Variants in IQCJ observed in about 807,000 individuals in gnomAD.
IQCJ encodes the protein IQ motif containing J.
IQCJ carries 9 observed loss-of-function variants against 11.0 expected under a neutral mutation model. The ratio of observed to expected loss-of-function variants is 0.82; its 90% confidence interval spans 0.49 to 1.43. IQCJ has a LOEUF of 1.43. Among genes scored for constraint, IQCJ ranks in the 40% most tolerant of loss-of-function variants. The pLI is 0.00. For missense variants in IQCJ, 146 were observed against 133.2 expected, an observed-to-expected ratio of 1.10 and a Z score of -0.47; for synonymous variants, 55 against 51.3, an observed-to-expected ratio of 1.07 and a Z score of -0.31.
rs1356623945 is a variant in IQCJ, at chr3:159,238,869, G to T, written c.10-6974G>T. 2.6e-5 allele frequency among the ~76,000 whole-genome samples: 4 copies of T among 152,156 alleles called. No individual in the cohort carries two copies. The South Asian group carries it at 8.3e-4, about 32-fold the overall frequency. ...GTGCAGGGGCCAATGAGGTGGAGTG[G>T]GGAGAGGCAGGCTGGGCTTTGTCAC... On this transcript the variant is annotated intron_variant, in intron 1 of 3. Coordinates refer to ENST00000397832, the MANE Select transcript of IQCJ (RefSeq NM_001042706.3).
chr3:159,175,984 T>A (rs1722773902), intron 1 of IQCJ, among the ~76,000 whole-genome samples: 1 of 152,206 alleles, frequency 6.6e-6, no homozygotes, highest in Non-Finnish European at 1.5e-5. Flanking sequence ...AATTGGTCAG[T>A]CTTCTTAATT....
chr3:159,091,426 A>C (rs1378992065), intron 1 of IQCJ, among the ~76,000 whole-genome samples: 2 of 151,586 alleles, frequency 1.3e-5, no homozygotes, highest in Non-Finnish European at 2.9e-5. Context: ...AGTTATAGAG[A>C]GCTCTTTGGG....
intron 1 of IQCJ, among the ~76,000 whole-genome samples, chr3:159,086,355 C>T (rs1329076345): frequency 2.0e-5 from 3 of 152,118 alleles, no homozygotes; most frequent in East Asian, 3.8e-4. Context: ...TAGTGTGATG[C>T]CTCCAGCTTT....
At chr3:159,139,507 C>T (rs1033739450) in intron 1 of IQCJ, among the ~76,000 whole-genome samples, 1 of 152,142 alleles carries the variant, frequency 6.6e-6, no homozygotes, top group African/African-American at 2.4e-5. Flanking sequence ...TCATGAGGTC[C>T]GGCTCACTGC....
At chr3:159,202,829 A>G (rs1240744911) in intron 1 of IQCJ, among the ~76,000 whole-genome samples, 1 of 152,042 alleles carries the variant, frequency 6.6e-6, no homozygotes, top group Admixed American at 6.6e-5. Context: ...TAAATACCAA[A>G]TCACTACTCT....
intron 1 of IQCJ, among the ~76,000 whole-genome samples, chr3:159,082,258 A>C (rs1461810991): frequency 3.3e-5 from 5 of 152,142 alleles, no homozygotes; most frequent in African/African-American, 4.8e-5. Context: ...AACATCAATA[A>C]CAAATGTATT....
At chr3:159,218,847 G>C (rs1256824242) in intron 1 of IQCJ, among the ~76,000 whole-genome samples, 1 of 152,028 alleles carries the variant, frequency 6.6e-6, no homozygotes, top group Non-Finnish European at 1.5e-5. Context: ...GGGTTTTGAT[G>C]AGTTAACATC....
chr3:159,158,271 A>G (rs1038227649), intron 1 of IQCJ, among the ~76,000 whole-genome samples: 3 of 152,188 alleles, frequency 2.0e-5, no homozygotes, highest in African/African-American at 7.2e-5. Context: ...TATCTTACAG[A>G]GCCATTGTAT....
chr3:159,088,169 C>G (rs534413513), intron 1 of IQCJ, among the ~76,000 whole-genome samples: 352 of 152,132 alleles, frequency 2.3e-3, no homozygotes, highest in Middle Eastern at 6.8e-3. Flanking sequence ...CCTTCATTTC[C>G]TTATGTACCC....
chr3:159,073,184 C>T (rs868152881), intron 1 of IQCJ, among the ~76,000 whole-genome samples: 1 of 152,096 alleles, frequency 6.6e-6, no homozygotes, highest in African/African-American at 2.4e-5. Flanking sequence ...CCCTGCTATG[C>T]TCAATCACTG....
intron 1 of IQCJ, among the ~76,000 whole-genome samples, chr3:159,111,235 T>C (rs139757527): frequency 3.6e-4 from 55 of 152,354 alleles, no homozygotes; most frequent in African/African-American, 1.0e-3. Context: ...AAAACATTTG[T>C]TGTAGACAAA....
chr3:159,215,333 C>A (rs191616081), intron 1 of IQCJ, among the ~76,000 whole-genome samples: 11 of 152,230 alleles, frequency 7.2e-5, no homozygotes, highest in Admixed American at 3.3e-4. Context: ...GGGAGGACAC[C>A]TTTACCATGA....
rs981355202 is a variant in IQCJ, at chr3:159,085,265, G to T, written c.9+15824G>T. Among the ~76,000 whole-genome samples, 18 of 151,116 alleles carry T rather than the reference G, an allele frequency of 1.2e-4. 1 individual carries two copies. The highest frequency in any genetic ancestry group is 3.2e-3 in the Middle Eastern group (1 of 316). Reference sequence around the variant, plus strand: ...CATGAACTCATCATTTTTTATGGCTGCATAGTATTCCATGGTGTATATGTG... The same window carrying T: ...CATGAACTCATCATTTTTTATGGCTTCATAGTATTCCATGGTGTATATGTG... On this transcript the variant is annotated intron_variant, in intron 1 of 3. Coordinates refer to ENST00000397832, the MANE Select transcript of IQCJ (RefSeq NM_001042706.3).
intron 1 of IQCJ, among the ~76,000 whole-genome samples, chr3:159,093,807 A>G (rs1325437368): frequency 3.3e-5 from 5 of 151,812 alleles, no homozygotes; most frequent in Non-Finnish European, 5.9e-5. Context: ...GAACAAAGGG[A>G]GAAAAAGCCC....
chr3:159,092,699 A>AACACACACACACACACACACACAC lies in IQCJ; in HGVS notation c.9+23267_9+23290dup, dbSNP rs57083405. ...GGCGACAGAGTGAGACTCCATCACA[A>AACACACACACACACACACACACAC]ACACACACACACACACACACACACA... On this transcript the variant is annotated intron_variant, in intron 1 of 3. Coordinates refer to ENST00000397832, the MANE Select transcript of IQCJ (RefSeq NM_001042706.3). Among the ~76,000 whole-genome samples, 244 of 141,680 alleles carry AACACACACACACACACACACACAC rather than the reference A, an allele frequency of 1.7e-3. 3 individuals are homozygous for AACACACACACACACACACACACAC. The highest frequency in any genetic ancestry group is 6.9e-3 in the East Asian group (32 of 4,654). 92.9% of individuals were successfully genotyped at this position (141,680 alleles called of 152,430 possible). A position where few individuals can be genotyped will look rare whatever the true frequency, so the allele number is the denominator to read the frequency against.
Position 159,211,369 on chromosome 3 carries a change from T to C in IQCJ, c.10-34474T>C, listed in dbSNP as rs76555075. ...CTTTGCAGCAAACAAGGAGGTTATG[T>C]AGATTATTAGGGTGACTGTATATTC... On this transcript the variant is annotated intron_variant, in intron 1 of 3. Coordinates refer to ENST00000397832, the MANE Select transcript of IQCJ (RefSeq NM_001042706.3). Among the ~76,000 whole-genome samples the C allele has an allele frequency of 9.3e-4, 141 of 152,318 alleles. 3 individuals carry two copies. The East Asian group carries it at 0.026, about 28-fold the overall frequency.
At chr3:159,082,703 G>A (rs144639107) in intron 1 of IQCJ, among the ~76,000 whole-genome samples, 1 of 152,052 alleles carries the variant, frequency 6.6e-6, no homozygotes, top group Non-Finnish European at 1.5e-5. Flanking sequence ...AAGGGCTAGA[G>A]GTCTGTCATC....
intron 1 of IQCJ, among the ~76,000 whole-genome samples, chr3:159,175,307 C>T (rs1354205969): frequency 6.6e-6 from 1 of 151,924 alleles, no homozygotes; most frequent in Non-Finnish European, 1.5e-5. Context: ...CCCATCTCAA[C>T]AAAAGCAAAA....
chr3:159,167,684 C>T (rs1232832241), intron 1 of IQCJ, among the ~76,000 whole-genome samples: 1 of 152,190 alleles, frequency 6.6e-6, no homozygotes, highest in Non-Finnish European at 1.5e-5. Context: ...GGATGAGTTT[C>T]TACCAGGTTA....
Sources: gnomAD v4.1 joint callset for allele counts (sites outside exome capture counted in the v4.1 genomes callset) on GRCh38, gnomAD v4.1.1 for gene constraint, MANE v1.5 for transcripts, NCBI Gene and HGNC (gene_info 2026-07-23, HGNC 2026-07-21) for gene names.